The following KCNAB1 variants were observed in gnomAD, a reference collection of about 807,000 sequenced individuals.
KCNAB1 encodes the protein voltage-gated potassium channel subunit beta-1.
In KCNAB1, 35 loss-of-function variants were observed where a neutral mutation model predicts 64.6. The ratio of observed to expected loss-of-function variants is 0.54; its 90% confidence interval spans 0.41 to 0.72. The LOEUF (loss-of-function observed/expected upper bound fraction) is 0.72, where lower values mean the gene tolerates loss of function less well. KCNAB1 is among the 30% of genes least tolerant of loss of function. The pLI is 0.00. For synonymous variants in KCNAB1, 177 were observed against 183.8 expected (o/e 0.96, Z 0.30); for missense variants, 401 against 512.9 (o/e 0.78, Z 2.11).
chr3:156,274,204 A>G (rs1719201044), intron 1 of KCNAB1, among the ~76,000 whole-genome samples: 2 of 152,172 alleles, frequency 1.3e-5, no homozygotes, highest in Non-Finnish European at 2.9e-5. Flanking sequence ...GAACAACAAC[A>G]ATATCAATTA....
Position 156,407,067 on chromosome 3 carries a change from T to C in KCNAB1, c.276-14549T>C, listed in dbSNP as rs530175042. ...TTTTATTCACTCTTCACATAGAGTC[T>C]GTAGCAGCTTTTGGATCTTTTCTGT... On this transcript the variant is annotated intron_variant, in intron 1 of 13. Coordinates refer to ENST00000490337, the MANE Select transcript of KCNAB1 (RefSeq NM_172160.3). Among the ~76,000 whole-genome samples the C allele has an allele frequency of 2.6e-5, 4 of 152,356 alleles. No individual in the cohort carries two copies. In the South Asian group the frequency reaches 6.2e-4, roughly 24 times the overall value.
intron 1 of KCNAB1, among the ~76,000 whole-genome samples, chr3:156,265,170 T>C (rs1049602135): frequency 2.0e-5 from 3 of 152,230 alleles, no homozygotes; most frequent in African/African-American, 7.2e-5. Context: ...GACATGATAG[T>C]TCAAGCTTTC....
chr3:156,363,911 G>A lies in KCNAB1; in HGVS notation c.276-57705G>A, dbSNP rs892074450. Among the ~76,000 whole-genome samples the A allele has an allele frequency of 1.4e-4, 21 of 152,330 alleles. No homozygotes were observed. The South Asian group carries it at 4.4e-3, about 32-fold the overall frequency. On this transcript the variant is annotated intron_variant, in intron 1 of 13. Coordinates refer to ENST00000490337, the MANE Select transcript of KCNAB1 (RefSeq NM_172160.3). ...CTCTAAGACAAACTCCATGATGCTG[G>A]ATCATACCATTTCCACTGTAGCCAC...
chr3:156,423,321 C>A (rs970194779), intron 2 of KCNAB1, among the ~76,000 whole-genome samples: 1 of 152,136 alleles, frequency 6.6e-6, no homozygotes, highest in Non-Finnish European at 1.5e-5. Flanking sequence ...GGAATGATTT[C>A]TTGAGGACGT....
At chr3:156,532,495 A>G (rs1261316294) in intron 13 of KCNAB1, among the ~76,000 whole-genome samples, 1 of 152,186 alleles carries the variant, frequency 6.6e-6, no homozygotes, top group Non-Finnish European at 1.5e-5. Context: ...CTTCTTCCCT[A>G]TCTACCTGTC....
At chr3:156,536,364 T>C (rs1719057073) in intron 13 of KCNAB1, among the ~76,000 whole-genome samples, 1 of 152,268 alleles carries the variant, frequency 6.6e-6, no homozygotes, top group African/African-American at 2.4e-5. Flanking sequence ...AGGTATCTAA[T>C]AGAAAATTTT....
At chr3:156,322,719 C>T (rs567527095) in intron 1 of KCNAB1, among the ~76,000 whole-genome samples, 39 of 152,242 alleles carry the variant, frequency 2.6e-4, no homozygotes, top group Admixed American at 5.2e-4. Context: ...AATTCTTATT[C>T]CTTTACCTGC....
intron 1 of KCNAB1, among the ~76,000 whole-genome samples, chr3:156,272,755 C>T (rs1236416097): frequency 6.6e-6 from 1 of 151,950 alleles, no homozygotes; most frequent in Non-Finnish European, 1.5e-5. Flanking sequence ...TTATTCTTCC[C>T]TCTCCTTTTC....
At chr3:156,205,841 C>T (rs1714622337) in intron 1 of KCNAB1, among the ~76,000 whole-genome samples, 1 of 152,120 alleles carries the variant, frequency 6.6e-6, no homozygotes, top group Non-Finnish European at 1.5e-5. Context: ...AAATCTTTAC[C>T]ATTGCAAAAA....
chr3:156,446,023 C>G (rs1204620717), intron 2 of KCNAB1: 1 of 152,214 alleles, frequency 6.6e-6, no homozygotes, highest in African/African-American at 2.4e-5. Context: ...GCAAGACATA[C>G]TTTAACTCAC....
chr3:156,313,574 G>T (rs1183163728), intron 1 of KCNAB1, among the ~76,000 whole-genome samples: 1 of 152,192 alleles, frequency 6.6e-6, no homozygotes, highest in Non-Finnish European at 1.5e-5. Flanking sequence ...GGAAGAAGGG[G>T]CTGAGAGCCA....
chr3:156,137,410 C>T (rs1225478509), intron 1 of KCNAB1, among the ~76,000 whole-genome samples: 1 of 152,132 alleles, frequency 6.6e-6, no homozygotes, highest in African/African-American at 2.4e-5. Context: ...CATGCACCCC[C>T]TCCCCTATCC....
chr3:156,483,714 G>T (rs1338472102), intron 8 of KCNAB1, among the ~76,000 whole-genome samples: 2 of 152,100 alleles, frequency 1.3e-5, no homozygotes, highest in Non-Finnish European at 2.9e-5. Context: ...ACTCTCAGTT[G>T]TTGACATGTT....
intron 8 of KCNAB1, among the ~76,000 whole-genome samples, chr3:156,483,178 C>T (rs1478349685): frequency 6.6e-6 from 1 of 152,056 alleles, no homozygotes; most frequent in East Asian, 1.9e-4. Flanking sequence ...TCTGAGGTTT[C>T]AGCAAGGGGC....
intron 8 of KCNAB1, among the ~76,000 whole-genome samples, chr3:156,506,898 G>T (rs1000756927): frequency 1.3e-5 from 2 of 152,038 alleles, no homozygotes; most frequent in Non-Finnish European, 2.9e-5. Flanking sequence ...AAAACAAAAA[G>T]AAAGCTCATA....
chr3:156,471,118 C>G (rs1217902145), intron 7 of KCNAB1, among the ~76,000 whole-genome samples: 1 of 152,204 alleles, frequency 6.6e-6, no homozygotes, highest in Non-Finnish European at 1.5e-5. Context: ...GGTGACAACA[C>G]AGCATGCTTA....
intron 1 of KCNAB1, among the ~76,000 whole-genome samples, chr3:156,159,037 G>A (rs1182412290): frequency 5.9e-5 from 9 of 152,068 alleles, no homozygotes; most frequent in Admixed American, 5.9e-4. Context: ...GAGAAGAGGG[G>A]AGTAGTTTAT....
intron 1 of KCNAB1, among the ~76,000 whole-genome samples, chr3:156,306,829 C>T (rs1169465457): frequency 2.0e-5 from 3 of 152,136 alleles, no homozygotes; most frequent in South Asian, 2.1e-4. Context: ...AACTGAGGAC[C>T]ATGTGGTCTG....
intron 1 of KCNAB1, among the ~76,000 whole-genome samples, chr3:156,158,098 G>A (rs1715832336): frequency 6.6e-6 from 1 of 150,628 alleles, no homozygotes; most frequent in Non-Finnish European, 1.5e-5. Flanking sequence ...CCGGGAGGCG[G>A]AGCTTGCAGT....
Sources: gnomAD v4.1 joint callset for allele counts (sites outside exome capture counted in the v4.1 genomes callset) on GRCh38, gnomAD v4.1.1 for gene constraint, MANE v1.5 for transcripts, NCBI Gene and HGNC (gene_info 2026-07-23, HGNC 2026-07-21) for gene names.